Variants in MARCHF1 observed in about 807,000 individuals in gnomAD.
MARCHF1 encodes E3 ubiquitin-protein ligase MARCHF1.
Under a neutral mutation model 54.2 loss-of-function variants are expected in MARCHF1, and 40 were observed. That is an observed-to-expected ratio of 0.74 (90% confidence interval 0.57 to 0.96). The LOEUF is 0.96. Ranked by LOEUF, MARCHF1 falls within the 40% of genes least tolerant of loss-of-function variation. The pLI, the probability that MARCHF1 is intolerant of heterozygous loss-of-function variation, is 0.00. For synonymous variants in MARCHF1, 236 were observed against 236.3 expected (o/e 1.00, Z 0.01); for missense variants, 586 against 656.5 (o/e 0.89, Z 1.17).
chr4:163,987,885 T>C (rs769374054), intron 3 of MARCHF1, among the ~76,000 whole-genome samples: 4 of 152,166 alleles, frequency 2.6e-5, no homozygotes, highest in Non-Finnish European at 5.9e-5. Context: ...CCGTAAGAAG[T>C]TGAAAATTAT....
intron 4 of MARCHF1, among the ~76,000 whole-genome samples, chr4:163,785,608 T>C (rs1494298): frequency 0.31 from 46,990 of 151,872 alleles, 8,524 homozygotes; most frequent in Non-Finnish European, 0.42. Context: ...TAATGGCTAT[T>C]AATTGAGGAA....
intron 1 of MARCHF1, among the ~76,000 whole-genome samples, chr4:164,364,350 T>A (rs936647442): frequency 6.6e-6 from 1 of 152,062 alleles, no homozygotes; most frequent in East Asian, 1.9e-4. Context: ...AATTTAGAGA[T>A]CACTTTTGAA....
chr4:163,673,823 G>GA (rs1397018784), intron 5 of MARCHF1, among the ~76,000 whole-genome samples: 4 of 152,006 alleles, frequency 2.6e-5, no homozygotes, highest in African/African-American at 9.7e-5. Context: ...GAAACATGAG[G>GA]AAAAAAAGAA....
intron 1 of MARCHF1, among the ~76,000 whole-genome samples, chr4:164,348,863 T>C (rs984754256): frequency 6.6e-6 from 1 of 152,174 alleles, no homozygotes; most frequent in African/African-American, 2.4e-5. Context: ...CTCTTCCAGA[T>C]ACAGAAGATA....
At chr4:164,211,471 T>A (rs1465829887) in intron 1 of MARCHF1, among the ~76,000 whole-genome samples, 2 of 151,386 alleles carry the variant, frequency 1.3e-5, no homozygotes, top group Non-Finnish European at 2.9e-5. Context: ...AAAAAGAACA[T>A]CAAATGTGGT....
At chr4:163,665,074 G>A (rs1009605351) in intron 5 of MARCHF1, among the ~76,000 whole-genome samples, 1 of 151,968 alleles carries the variant, frequency 6.6e-6, no homozygotes, top group South Asian at 2.1e-4. Context: ...TTGTAATTCC[G>A]CTGGGTCTAT....
intron 2 of MARCHF1, among the ~76,000 whole-genome samples, chr4:164,054,628 G>C (rs919437666): frequency 6.6e-6 from 1 of 151,878 alleles, no homozygotes; most frequent in African/African-American, 2.4e-5. Context: ...GTCCTTTGTA[G>C]GGACATGGAT....
At chr4:163,705,165 G>A (rs1744913351) in intron 4 of MARCHF1, among the ~76,000 whole-genome samples, 1 of 151,464 alleles carries the variant, frequency 6.6e-6, no homozygotes, top group Non-Finnish European at 1.5e-5. Flanking sequence ...AATGGATAAG[G>A]GCATGCTGAT....
intron 2 of MARCHF1, among the ~76,000 whole-genome samples, chr4:164,004,855 A>C (rs1753255531): frequency 2.0e-5 from 3 of 152,136 alleles, no homozygotes; most frequent in African/African-American, 7.2e-5. Flanking sequence ...GTGCTCCAGA[A>C]GAAATTATGG....
intron 5 of MARCHF1, among the ~76,000 whole-genome samples, chr4:163,663,344 C>T (rs552149956): frequency 2.1e-4 from 32 of 151,952 alleles, no homozygotes; most frequent in African/African-American, 7.2e-4. Flanking sequence ...AACTGACCAC[C>T]CCCCAGGGCA....
chr4:164,238,668 G>GA (rs1732638194), intron 1 of MARCHF1, among the ~76,000 whole-genome samples: 1 of 151,850 alleles, frequency 6.6e-6, no homozygotes, highest in African/African-American at 2.4e-5. Flanking sequence ...ATTGAATCCA[G>GA]AAAAAAGTTA....
intron 2 of MARCHF1, among the ~76,000 whole-genome samples, chr4:163,996,003 T>C (rs1057191063): frequency 3.3e-5 from 5 of 152,100 alleles, no homozygotes; most frequent in Non-Finnish European, 5.9e-5. Flanking sequence ...ATATATTTTA[T>C]AATATAATTC....
intron 8 of MARCHF1, among the ~76,000 whole-genome samples, chr4:163,555,428 C>T (rs1241263564): frequency 2.6e-5 from 4 of 152,140 alleles, no homozygotes; most frequent in African/African-American, 7.2e-5. Flanking sequence ...AAAAAACTCA[C>T]CTAAATCTGA....
intron 3 of MARCHF1, among the ~76,000 whole-genome samples, chr4:163,942,067 A>G (rs1266833365): frequency 6.6e-6 from 1 of 152,154 alleles, no homozygotes; most frequent in Non-Finnish European, 1.5e-5. Flanking sequence ...AAACTGTTGC[A>G]TTTGGTTTCA....
rs542457623 is a variant in MARCHF1, at chr4:163,841,827, T to C, written c.111+12194A>G. 1.2e-4 allele frequency among the ~76,000 whole-genome samples: 18 copies of C among 152,264 alleles called. No individual in the cohort carries two copies. The East Asian group carries it at 2.3e-3, about 20-fold the overall frequency. ...TCATTTTTTATCTTTAAAGAATAACTGGATTGTTAAATTTTATTCCTGTAG... is the reference window on the plus strand; with the variant it reads ...TCATTTTTTATCTTTAAAGAATAACCGGATTGTTAAATTTTATTCCTGTAG... On this transcript the variant is annotated intron_variant, in intron 4 of 9. Coordinates refer to ENST00000514618, the MANE Select transcript of MARCHF1 (RefSeq NM_001394959.1).
At chr4:164,276,949 G>C (rs202042239) in intron 1 of MARCHF1, among the ~76,000 whole-genome samples, 1 of 123,680 alleles carries the variant, frequency 8.1e-6, no homozygotes, top group Non-Finnish European at 1.6e-5. Context: ...TATATATATA[G>C]AGAGAGAGAG....
intron 3 of MARCHF1, among the ~76,000 whole-genome samples, chr4:163,983,579 G>A (rs1752803585): frequency 6.6e-6 from 1 of 152,028 alleles, no homozygotes; most frequent in Non-Finnish European, 1.5e-5. Context: ...TTACTCTTTG[G>A]GGATAATAAT....
At chr4:164,007,471 C>T (rs1753319626) in intron 2 of MARCHF1, among the ~76,000 whole-genome samples, 1 of 151,422 alleles carries the variant, frequency 6.6e-6, no homozygotes, top group African/African-American at 2.4e-5. Flanking sequence ...TTGTGGTGTG[C>T]AATCCACTCA....
intron 1 of MARCHF1, among the ~76,000 whole-genome samples, chr4:164,264,746 C>T (rs1055281878): frequency 6.6e-6 from 1 of 151,818 alleles, no homozygotes; most frequent in Non-Finnish European, 1.5e-5. Context: ...ATGGTGAAAC[C>T]CCATCTCTAC....
Sources: gnomAD v4.1 joint callset for allele counts (sites outside exome capture counted in the v4.1 genomes callset) on GRCh38, gnomAD v4.1.1 for gene constraint, MANE v1.5 for transcripts, NCBI Gene and HGNC (gene_info 2026-07-23, HGNC 2026-07-21) for gene names.